The following CELF2 variants were observed in gnomAD, a reference collection of about 807,000 sequenced individuals.
CELF2 encodes the protein CUG triplet repeat RNA-binding protein 2.
A neutral mutation model predicts 62.6 loss-of-function variants in CELF2; 8 were observed. That is an observed-to-expected ratio of 0.13 (90% confidence interval 0.07 to 0.23). The LOEUF (loss-of-function observed/expected upper bound fraction) is 0.23, where lower values mean the gene tolerates loss of function less well. Ranked by LOEUF, CELF2 falls within the 10% of genes least tolerant of loss-of-function variation. The pLI is 1.00. For missense variants in CELF2, 333 were observed against 671.0 expected, an observed-to-expected ratio of 0.50 and a Z score of 5.56; for synonymous variants, 258 against 250.0, an observed-to-expected ratio of 1.03 and a Z score of -0.30.
At chr10:11,213,532 C>T (rs2062479114) in intron 2 of CELF2, among the ~76,000 whole-genome samples, 1 of 152,168 alleles carries the variant, frequency 6.6e-6, no homozygotes, top group Admixed American at 6.5e-5. Context: ...TAATAATTGT[C>T]ATTTCAGGGA....
At chr10:10,588,148 C>T in the CELF2 span, among the ~76,000 whole-genome samples, 1 of 151,966 alleles carries the variant, frequency 6.6e-6, no homozygotes, top group Non-Finnish European at 1.5e-5. Context: ...GCATGTTTGG[C>T]AACGGGCAGT....
In CELF2 at chr10:10,947,337, G is replaced by T. The variant is rs1408016510; in HGVS notation, c.89+27338G>T. The T allele has an allele frequency of 6.6e-6, 1 of 152,626 alleles. No homozygotes were observed. The highest frequency in any genetic ancestry group is 1.5e-5 in the Non-Finnish European group (1 of 68,046). The allele number at this position is 152,626 out of a possible 1,614,324, so 9.5% of individuals were successfully genotyped here. A position where few individuals can be genotyped will look rare whatever the true frequency, so the allele number is the denominator to read the frequency against. ...ATTTAGAGCTGATTGGGCACAGATG[G>T]GAGGCAGGGTTATTTACCATTTTAC... is the stretch of plus-strand genomic sequence containing the variant. On this transcript the variant is annotated intron_variant, in intron 2 of 13. Transcript: ENST00000636488. This position sits in a 1 kb window ranked among gnomAD's most constrained non-coding sequence, Gnocchi z 4.1.
the CELF2 span, among the ~76,000 whole-genome samples, chr10:10,694,854 C>T: frequency 2.3e-4 from 35 of 150,794 alleles, no homozygotes; most frequent in East Asian, 4.8e-3. Context: ...TTTTTGTTTT[C>T]CATTTGCTTG....
intron 5 of CELF2, among the ~76,000 whole-genome samples, chr10:11,265,341 A>C (rs2081910695): frequency 6.6e-6 from 1 of 152,214 alleles, no homozygotes; most frequent in South Asian, 2.1e-4. Context: ...GATCTGCTTC[A>C]TTTGGAAATC....
the CELF2 span, among the ~76,000 whole-genome samples, chr10:10,602,927 G>A: frequency 2.0e-5 from 3 of 152,198 alleles, no homozygotes; most frequent in South Asian, 6.2e-4. Flanking sequence ...ACTGGCATTC[G>A]TTGAGGGATT....
chr10:10,593,606 A>T, the CELF2 span, among the ~76,000 whole-genome samples: 1 of 152,338 alleles, frequency 6.6e-6, no homozygotes, highest in South Asian at 2.1e-4. Flanking sequence ...ACAGGCCAGT[A>T]TTCTAGTAAT....
the CELF2 span, among the ~76,000 whole-genome samples, chr10:10,725,392 G>T: frequency 6.6e-6 from 1 of 152,174 alleles, no homozygotes; most frequent in African/African-American, 2.4e-5. Flanking sequence ...CTATTAAATA[G>T]TCCGCAACAG....
At chr10:10,977,993 A>G (rs2051551360) in intron 2 of CELF2, among the ~76,000 whole-genome samples, 1 of 151,456 alleles carries the variant, frequency 6.6e-6, no homozygotes, top group African/African-American at 2.4e-5. Flanking sequence ...ATATATGAAG[A>G]AGGAAGGTAT....
intron 5 of CELF2, among the ~76,000 whole-genome samples, chr10:11,265,596 G>A (rs1335805857): frequency 6.6e-6 from 1 of 152,150 alleles, no homozygotes; most frequent in Admixed American, 6.6e-5. Flanking sequence ...GAAGCCCAAG[G>A]GTGCATGATG....
chr10:10,918,539 C>T (rs548880716), intron 1 of CELF2, among the ~76,000 whole-genome samples: 2 of 152,282 alleles, frequency 1.3e-5, no homozygotes, highest in South Asian at 2.1e-4. Flanking sequence ...CCAAAGTGCT[C>T]AGGTATTATC....
At chr10:11,291,968 T>C (rs2092587809) in intron 9 of CELF2, among the ~76,000 whole-genome samples, 1 of 152,230 alleles carries the variant, frequency 6.6e-6, no homozygotes, top group African/African-American at 2.4e-5. Flanking sequence ...GAACTTCTTC[T>C]GTCTTCTTCT....
intron 2 of CELF2, among the ~76,000 whole-genome samples, chr10:11,188,847 C>G (rs998687786): frequency 2.0e-5 from 3 of 152,096 alleles, no homozygotes; most frequent in Non-Finnish European, 2.9e-5. Flanking sequence ...CTCTGTTTCT[C>G]TATTCCATTT....
In CELF2 at chr10:11,244,859, A is replaced by G. The variant is rs1022838736; in HGVS notation, c.355-4294A>G. Reference sequence around the variant, plus strand: ...GATTGCTTTGAGAATGAATGCAGACATAGCTTCATCTGAGACGCCTTCCCC... The same window carrying G: ...GATTGCTTTGAGAATGAATGCAGACGTAGCTTCATCTGAGACGCCTTCCCC... On this transcript the variant is annotated intron_variant, in intron 3 of 12. Transcript: ENST00000633077. This position sits in a 1 kb window ranked among gnomAD's most constrained non-coding sequence, Gnocchi z 4.2. 6.6e-6 allele frequency among the ~76,000 whole-genome samples: 1 copy of G among 152,172 alleles called. No individual in the cohort carries two copies. The highest frequency in any genetic ancestry group is 2.4e-5 in the African/African-American group (1 of 41,442).
chr10:11,082,219 CAT>C (rs1342224382), intron 1 of CELF2, among the ~76,000 whole-genome samples: 2 of 151,928 alleles, frequency 1.3e-5, no homozygotes, highest in African/African-American at 4.8e-5. Flanking sequence ...TCCAAGAAAA[CAT>C]AGGAAAAAAA....
At chr10:11,274,031 G>GGGA (rs2138820634) in intron 7 of CELF2, among the ~76,000 whole-genome samples, 1 of 136,760 alleles carries the variant, frequency 7.3e-6, no homozygotes, top group South Asian at 2.3e-4. Flanking sequence ...ACTGCACCTG[G>GGGA]CTCTGAAAGC....
chr10:10,791,151 A>G, the CELF2 span, among the ~76,000 whole-genome samples: 18 of 152,152 alleles, frequency 1.2e-4, no homozygotes, highest in Admixed American at 2.0e-4. Flanking sequence ...CTCTGTCTCA[A>G]TTGTTTAGTG....
At chr10:10,973,595 C>T (rs2051003738) in intron 2 of CELF2, among the ~76,000 whole-genome samples, 1 of 152,160 alleles carries the variant, frequency 6.6e-6, no homozygotes, top group Non-Finnish European at 1.5e-5. Flanking sequence ...CCCAGAAAGT[C>T]TCACTCAAAT....
intron 2 of CELF2, chr10:10,946,773 C>T (rs2047730222): frequency 6.6e-6 from 1 of 152,170 alleles, no homozygotes. Flanking sequence ...AAGTATGAAC[C>T]CTCTGTACTT....
At chr10:11,002,232 C>T (rs1310835178), upstream of CELF2, among the ~76,000 whole-genome samples, 1 of 152,156 alleles carries the variant, frequency 6.6e-6, no homozygotes, top group Non-Finnish European at 1.5e-5. This position sits in a 1 kb window ranked among gnomAD's most constrained non-coding sequence, Gnocchi z 4.4. Context: ...CAACAGATCT[C>T]ATAAGACTTA....
Sources: allele counts gnomAD v4.1 joint callset (sites outside exome capture counted in the v4.1 genomes callset), GRCh38; gene constraint gnomAD v4.1.1; non-coding constraint Gnocchi (gnomAD v3.1); transcripts MANE v1.5; gene names NCBI Gene and HGNC (gene_info 2026-07-23, HGNC 2026-07-21).